TMEM135: variants seen among roughly 807,000 people sequenced by gnomAD.
The protein encoded by TMEM135 is transmembrane protein 135.
A neutral mutation model predicts 60.3 loss-of-function variants in TMEM135; 30 were observed. That is an observed-to-expected ratio of 0.50 (90% CI 0.37 to 0.68). TMEM135 has a LOEUF of 0.68. TMEM135 is among the 30% of genes least tolerant of loss of function. The pLI, the probability that TMEM135 is intolerant of heterozygous loss-of-function variation, is 0.00. For synonymous variants in TMEM135, 190 were observed against 186.7 expected (o/e 1.02, Z -0.14); for missense variants, 468 against 548.8 (o/e 0.85, Z 1.47).
At chr11:87,261,904 C>T (rs143433717) in intron 6 of TMEM135, among the ~76,000 whole-genome samples, 7 of 152,190 alleles carry the variant, frequency 4.6e-5, no homozygotes, top group African/African-American at 7.2e-5. Flanking sequence ...AGATTGTGGA[C>T]ATGAGCCATC....
chr11:87,306,522 A>G (rs922957252), intron 9 of TMEM135, among the ~76,000 whole-genome samples: 4 of 151,976 alleles, frequency 2.6e-5, no homozygotes, highest in African/African-American at 9.7e-5. Context: ...GTTGCTCTGC[A>G]TTAAGAGAGC....
intron 4 of TMEM135, among the ~76,000 whole-genome samples, chr11:87,152,317 A>G (rs934413455): frequency 2.0e-5 from 3 of 151,756 alleles, no homozygotes; most frequent in Admixed American, 2.0e-4. Context: ...TTCTGGAGGG[A>G]GTAACGTTAA....
intron 4 of TMEM135, among the ~76,000 whole-genome samples, chr11:87,129,160 G>C (rs971574726): frequency 6.7e-6 from 1 of 149,240 alleles, no homozygotes; most frequent in Non-Finnish European, 1.5e-5. Context: ...GAGCAGCAAG[G>C]TTGGTATTAT....
chr11:87,067,633 A>G (rs1856692206), intron 1 of TMEM135, 61 bp from the exon 2 acceptor site: 2 of 1,599,904 alleles, frequency 1.3e-6, no homozygotes, highest in East Asian at 2.3e-5. Context: ...GCTTCCACAT[A>G]TAAGCTAATT....
At chr11:87,058,542 A>T (rs1949915425) in intron 1 of TMEM135, among the ~76,000 whole-genome samples, 1 of 151,992 alleles carries the variant, frequency 6.6e-6, no homozygotes, top group Admixed American at 6.6e-5. Context: ...TGTTGGCCAG[A>T]CTGGTCTTGA....
rs1180143361 is a variant in TMEM135, at chr11:87,210,429, T to A, written c.463-26209T>A. Among the ~76,000 whole-genome samples, 3 of 152,100 alleles carry A rather than the reference T, an allele frequency of 2.0e-5. No homozygotes were observed. The East Asian group carries it at 5.8e-4, about 29-fold the overall frequency. On this transcript the variant is annotated intron_variant, in intron 5 of 14. Coordinates refer to ENST00000305494, the MANE Select transcript of TMEM135 (RefSeq NM_022918.4). Reference sequence around the variant, plus strand: ...GGAAACCTAGATGAAATGAATAAATTCTTGGAAACACAACGCCTCCCAAGA... The same window carrying A: ...GGAAACCTAGATGAAATGAATAAATACTTGGAAACACAACGCCTCCCAAGA...
rs71040295 is a variant in TMEM135 at position 87,129,213 on chromosome 11, ATTTTTTTTTTTTTTTTTT to A, written c.397-28098_397-28081del. Among the ~76,000 whole-genome samples, 120 of 116,106 alleles carry A rather than the reference ATTTTTTTTTTTTTTTTTT, an allele frequency of 1.0e-3. 1 individual carries two copies. Among genetic ancestry groups the A allele is most frequent in the African/African-American group, 3.3e-3 (98 of 29,992 alleles). 76.2% of individuals were successfully genotyped at this position (116,106 alleles called of 152,430 possible). On this transcript the variant is annotated intron_variant, in intron 4 of 14. Coordinates refer to ENST00000305494, the MANE Select transcript of TMEM135 (RefSeq NM_022918.4). Reference sequence around the variant, plus strand: ...TTCTATACATGTTCCTTATTCCTTAATTTTTTTTTTTTTTTTTTTTTTTTTTTTTTTTTTTTTTTTTTT... The same window carrying A: ...TTCTATACATGTTCCTTATTCCTTAATTTTTTTTTTTTTTTTTTTTTTTTT...
chr11:87,135,050 C>T (rs61904215), intron 4 of TMEM135, among the ~76,000 whole-genome samples: 2 of 152,176 alleles, frequency 1.3e-5, no homozygotes, highest in African/African-American at 4.8e-5. Context: ...AGTGAACTGT[C>T]TTTTCAAAAC....
chr11:87,115,440 T>C (rs1398517115), intron 4 of TMEM135, among the ~76,000 whole-genome samples: 4 of 152,270 alleles, frequency 2.6e-5, no homozygotes, highest in African/African-American at 9.6e-5. Flanking sequence ...ATCAGAGCTA[T>C]GATTTCCCCC....
chr11:87,260,837 GC>G (rs1031117775), intron 6 of TMEM135, among the ~76,000 whole-genome samples: 2 of 151,998 alleles, frequency 1.3e-5, no homozygotes, highest in Non-Finnish European at 2.9e-5. Context: ...GGGCTATAAA[GC>G]AGTTCCCAAA....
Position 87,181,585 on chromosome 11 carries a change from A to G in TMEM135, c.462+24179A>G, listed in dbSNP as rs142254688. On this transcript the variant is annotated intron_variant, in intron 5 of 14. Transcript: ENST00000305494. ...TCAGTGTTTGTCAGAGATTGGAAGC[A>G]CAGGGAAGGGTTGATTACAAAGACA... is the stretch of plus-strand genomic sequence containing the variant. Among the ~76,000 whole-genome samples, 190 of 152,310 alleles carry G rather than the reference A, an allele frequency of 1.2e-3. 2 individuals carry two copies. The East Asian group carries it at 0.034, about 28-fold the overall frequency.
At chr11:87,298,641 G>A (rs903153138) in intron 7 of TMEM135, among the ~76,000 whole-genome samples, 1 of 151,498 alleles carries the variant, frequency 6.6e-6, no homozygotes, top group African/African-American at 2.4e-5. Flanking sequence ...ACAAAAATTA[G>A]CCAGGCATGG....
At position 87,288,190 on chromosome 11, in the gene TMEM135, T is replaced by C. The variant is rs192266465; in HGVS notation, c.510-7592T>C. ...ATAAACAGCATTTTATATTTTACTA[T>C]TAATATTTTAGCACCAATGCTAAAT... On this transcript the variant is annotated intron_variant, in intron 6 of 14. Coordinates refer to ENST00000305494, the MANE Select transcript of TMEM135 (RefSeq NM_022918.4). 9.2e-5 allele frequency among the ~76,000 whole-genome samples: 14 copies of C among 152,334 alleles called. No individual in the cohort carries two copies. In the East Asian group the frequency reaches 2.7e-3, roughly 29 times the overall value.
At chr11:87,189,109 T>C (rs556863533) in intron 5 of TMEM135, among the ~76,000 whole-genome samples, 6 of 151,528 alleles carry the variant, frequency 4.0e-5, no homozygotes, top group African/African-American at 9.7e-5. Flanking sequence ...GTTTCCCTTT[T>C]CCTTTTCCTT....
chr11:87,259,063 AAG>A, intron 6 of TMEM135: 1 of 1,315,102 alleles, frequency 7.6e-7, no homozygotes, highest in Non-Finnish European at 1.1e-6. Context: ...GTGAGCCACA[AAG>A]AGGGAGAGAA....
At chr11:87,042,052 G>A (rs1480590306) in intron 1 of TMEM135, among the ~76,000 whole-genome samples, 1 of 152,248 alleles carries the variant, frequency 6.6e-6, no homozygotes, top group African/African-American at 2.4e-5. Context: ...GAGGCCGATG[G>A]ATTAATAGGA....
intron 5 of TMEM135, among the ~76,000 whole-genome samples, chr11:87,186,047 C>T (rs921445207): frequency 1.3e-5 from 2 of 152,144 alleles, no homozygotes; most frequent in African/African-American, 4.8e-5. Context: ...GCTGGGACTA[C>T]AGGCATGTGC....
intron 4 of TMEM135, among the ~76,000 whole-genome samples, chr11:87,143,787 A>G (rs1321587832): frequency 2.0e-5 from 3 of 152,104 alleles, no homozygotes; most frequent in Non-Finnish European, 4.4e-5. Flanking sequence ...CTTAAACTAT[A>G]GTTGCTCTAA....
chr11:87,304,722 AGAG>A, intron 8 of TMEM135, among the ~76,000 whole-genome samples: 1 of 152,376 alleles, frequency 6.6e-6, no homozygotes, highest in East Asian at 1.9e-4. Flanking sequence ...GGAGAAGTGC[AGAG>A]CCAGAACATT....
Sources: allele counts gnomAD v4.1 joint callset (sites outside exome capture counted in the v4.1 genomes callset), GRCh38; gene constraint gnomAD v4.1.1; transcripts MANE v1.5; gene names NCBI Gene and HGNC (gene_info 2026-07-23, HGNC 2026-07-21).